Variants in BMPR1B observed in about 807,000 individuals in gnomAD.
BMPR1B encodes bone morphogenetic protein receptor type-1B.
A neutral mutation model predicts 59.1 loss-of-function variants in BMPR1B; 12 were observed. The ratio of observed to expected loss-of-function variants is 0.20; its 90% CI spans 0.13 to 0.33. The LOEUF (loss-of-function observed/expected upper bound fraction) is 0.33, where lower values mean the gene tolerates loss of function less well. Among genes scored for constraint, BMPR1B ranks in the 10% least tolerant of loss-of-function variants. The pLI is 1.00. For synonymous variants in BMPR1B, 237 were observed against 207.3 expected (o/e 1.14, Z -1.23); for missense variants, 550 against 610.9 (o/e 0.90, Z 1.05).
At chr4:94,869,616 T>C (rs1454927618) in intron 1 of BMPR1B, among the ~76,000 whole-genome samples, 1 of 152,202 alleles carries the variant, frequency 6.6e-6, no homozygotes, top group Non-Finnish European at 1.5e-5. Flanking sequence ...GTTCCATCCA[T>C]GTTAAATGGG....
intron 1 of BMPR1B, among the ~76,000 whole-genome samples, chr4:94,848,012 T>A (rs10010959): frequency 0.61 from 93,289 of 152,052 alleles, 29,630 homozygotes; most frequent in African/African-American, 0.78. Context: ...ATTGAGTGCC[T>A]GCATCAAAAT....
intron 2 of BMPR1B, among the ~76,000 whole-genome samples, chr4:94,902,430 T>G (rs1727868908): frequency 6.6e-6 from 1 of 151,978 alleles, no homozygotes; most frequent in South Asian, 2.1e-4. Flanking sequence ...CTGAATGAAA[T>G]TATATTCTGA....
chr4:95,091,359 C>A, intron 3 of BMPR1B: 1 of 620,764 alleles, frequency 1.6e-6, no homozygotes, highest in Non-Finnish European at 2.0e-6. Context: ...TGCCATGGGT[C>A]CTGAACATAG....
At chr4:94,815,101 C>T (rs1435472495) in intron 1 of BMPR1B, among the ~76,000 whole-genome samples, 8 of 152,154 alleles carry the variant, frequency 5.3e-5, no homozygotes, top group South Asian at 2.1e-4. Context: ...GATGGGGTTT[C>T]GCCATGTTGG....
At chr4:94,905,166 A>AT (rs1727989602) in intron 2 of BMPR1B, among the ~76,000 whole-genome samples, 1 of 152,094 alleles carries the variant, frequency 6.6e-6, no homozygotes, top group Non-Finnish European at 1.5e-5. Flanking sequence ...TTAGAAAGGC[A>AT]TGATGAATTT....
chr4:94,874,757 C>G (rs148702851), intron 1 of BMPR1B, among the ~76,000 whole-genome samples: 1 of 152,010 alleles, frequency 6.6e-6, no homozygotes, highest in Non-Finnish European at 1.5e-5. Context: ...TTTGGGAGGC[C>G]GAGGCGGGTA....
At chr4:95,151,856 G>T (rs887415412) in intron 11 of BMPR1B, among the ~76,000 whole-genome samples, 1 of 152,110 alleles carries the variant, frequency 6.6e-6, no homozygotes, top group Non-Finnish European at 1.5e-5. Flanking sequence ...TTATTATAAG[G>T]AGTTAATCTT....
At chr4:94,981,920 T>TA (rs1355685159) in intron 2 of BMPR1B, among the ~76,000 whole-genome samples, 2 of 152,186 alleles carry the variant, frequency 1.3e-5, no homozygotes, top group African/African-American at 4.8e-5. Flanking sequence ...TGCAAAATGA[T>TA]ATGCCCTTTC....
intron 1 of BMPR1B, among the ~76,000 whole-genome samples, chr4:94,798,080 C>T (rs917465752): frequency 6.6e-6 from 1 of 152,182 alleles, no homozygotes; most frequent in Non-Finnish European, 1.5e-5. Context: ...TTGTTTGCCT[C>T]ATCTAATTTT....
intron 1 of BMPR1B, among the ~76,000 whole-genome samples, chr4:94,842,036 A>G (rs566921901): frequency 6.6e-6 from 1 of 152,232 alleles, no homozygotes; most frequent in South Asian, 2.1e-4. Flanking sequence ...CTGATGATAC[A>G]CTCAGGAGTT....
At chr4:95,119,463 A>G (rs528641310) in intron 6 of BMPR1B, among the ~76,000 whole-genome samples, 5 of 152,324 alleles carry the variant, frequency 3.3e-5, no homozygotes, top group South Asian at 2.1e-4. Flanking sequence ...TAGCCTGCAT[A>G]ACATTAAGAG....
intron 4 of BMPR1B, among the ~76,000 whole-genome samples, chr4:95,105,608 C>G (rs1009112047): frequency 2.0e-5 from 3 of 151,816 alleles, no homozygotes; most frequent in Non-Finnish European, 2.9e-5. Flanking sequence ...CTGAGTAACA[C>G]AGGGAGGGAA....
intron 1 of BMPR1B, among the ~76,000 whole-genome samples, chr4:94,824,754 G>T (rs1724325585): frequency 1.3e-5 from 2 of 151,922 alleles, no homozygotes; most frequent in South Asian, 2.1e-4. Flanking sequence ...GGAAAATTTG[G>T]TATGCTTTTG....
chr4:95,106,474 A>G (rs1731207259), intron 4 of BMPR1B, among the ~76,000 whole-genome samples: 3 of 152,162 alleles, frequency 2.0e-5, no homozygotes, highest in African/African-American at 7.2e-5. Flanking sequence ...AGTGAGATCT[A>G]TTTGAGAAAT....
intron 3 of BMPR1B, among the ~76,000 whole-genome samples, chr4:95,017,697 A>G (rs867804730): frequency 3.3e-5 from 5 of 152,156 alleles, no homozygotes; most frequent in Non-Finnish European, 7.3e-5. Context: ...TAATTCTCTC[A>G]GCAACTCTGA....
intron 1 of BMPR1B, among the ~76,000 whole-genome samples, chr4:94,772,359 C>T (rs113967612): frequency 3.9e-5 from 6 of 152,218 alleles, no homozygotes; most frequent in African/African-American, 7.2e-5. Context: ...TCAGCTGAGG[C>T]AGAGTTACTG....
rs1725019351 is a variant in BMPR1B, at chr4:94,840,622, T to G, written c.-182-35209T>G. 1.4e-5 allele frequency among the ~76,000 whole-genome samples: 2 copies of G among 145,734 alleles called. 1 individual carries two copies. Among genetic ancestry groups the G allele is most frequent in the African/African-American group, 5.1e-5 (2 of 39,278 alleles). ...TTGGTTTTCAGCTCCATCAGCTCCT[T>G]TAAGCACTTCTTTGTATTGGTTATT... On this transcript the variant is annotated intron_variant, in intron 1 of 12. Transcript: ENST00000515059.
intron 10 of BMPR1B, among the ~76,000 whole-genome samples, chr4:95,132,876 C>A (rs3796442): frequency 0.084 from 12,770 of 152,190 alleles, 719 homozygotes; most frequent in East Asian, 0.21. Context: ...TTCTCTATTG[C>A]CATCACCCTA....
At chr4:95,070,559 C>A (rs1371118649) in intron 3 of BMPR1B, among the ~76,000 whole-genome samples, 2 of 151,992 alleles carry the variant, frequency 1.3e-5, no homozygotes, top group African/African-American at 4.8e-5. Context: ...CACTAAGATG[C>A]TTGGTAGTCA....
Sources: allele counts gnomAD v4.1 joint callset (sites outside exome capture counted in the v4.1 genomes callset), GRCh38; gene constraint gnomAD v4.1.1; transcripts MANE v1.5; gene names NCBI Gene and HGNC (gene_info 2026-07-23, HGNC 2026-07-21).